RYR2: variants seen among roughly 807,000 people sequenced by gnomAD.
RYR2 encodes the protein ryanodine receptor 2, also known as cardiac muscle ryanodine receptor-calcium release channel.
Under a neutral mutation model 601.1 loss-of-function variants are expected in RYR2, and 227 were observed. The observed-to-expected ratio is 0.38, with a 90% confidence interval of 0.34 to 0.42. The LOEUF is 0.42. Ranked by LOEUF, RYR2 falls within the 10% of genes least tolerant of loss-of-function variation. The pLI, the probability that RYR2 is intolerant of heterozygous loss-of-function variation, is 1.00. For synonymous variants in RYR2, 2,223 were observed against 2,175.1 expected (o/e 1.02, Z -0.61); for missense variants, 4,646 against 6,156.5 (o/e 0.75, Z 8.21).
At chr1:237,248,980 G>A (rs1572355454) in intron 1 of RYR2, among the ~76,000 whole-genome samples, 2 of 152,030 alleles carry the variant, frequency 1.3e-5, no homozygotes, top group Non-Finnish European at 2.9e-5. Flanking sequence ...AGTGAGGCTG[G>A]TCTTGAACTC....
At chr1:237,242,002 A>G (rs1476144352) in intron 1 of RYR2, among the ~76,000 whole-genome samples, 2 of 152,192 alleles carry the variant, frequency 1.3e-5, no homozygotes, top group African/African-American at 4.8e-5. Context: ...TTGGGAAACT[A>G]GTCCTACCTC....
intron 87 of RYR2, 134 bp downstream of exon 87, chr1:237,773,782 G>T: frequency 1.5e-6 from 1 of 684,774 alleles, no homozygotes; most frequent in Non-Finnish European, 2.4e-6. Flanking sequence ...TAAAATATTA[G>T]GTTGAGATGT....
chr1:237,082,105 C>T (rs1665765233), intron 1 of RYR2, among the ~76,000 whole-genome samples: 1 of 152,140 alleles, frequency 6.6e-6, no homozygotes, highest in Non-Finnish European at 1.5e-5. Flanking sequence ...TGCTGATAAA[C>T]ATTAACTGAT....
chr1:237,385,518 A>T (rs1227713261), intron 8 of RYR2, among the ~76,000 whole-genome samples: 2 of 152,228 alleles, frequency 1.3e-5, no homozygotes, highest in Admixed American at 1.3e-4. Context: ...ATTAATATAC[A>T]TAGTACATTC....
At chr1:237,832,477 A>C in intron 104 of RYR2, 75 bp from the exon 105 acceptor site, 1 of 914,074 alleles carries the variant, frequency 1.1e-6, no homozygotes, top group Non-Finnish European at 1.7e-6. Flanking sequence ...TAGGTAACAG[A>C]ATTGAGTTTC....
chr1:237,319,088 T>TC (rs1695375869), intron 2 of RYR2, among the ~76,000 whole-genome samples: 1 of 152,176 alleles, frequency 6.6e-6, no homozygotes, highest in Non-Finnish European at 1.5e-5. Context: ...CAATTGAACC[T>TC]CTTTAGTATA....
At chr1:237,494,218 G>A (rs919115057) in intron 19 of RYR2, among the ~76,000 whole-genome samples, 10 of 152,232 alleles carry the variant, frequency 6.6e-5, no homozygotes, top group East Asian at 1.9e-4. Flanking sequence ...AAGGACGCCC[G>A]TCTGAGTCCC....
rs1481918213 is a variant in RYR2 at position 237,610,868 on chromosome 1, G to A, written c.4790G>A (p.Ser1597Asn). ...HVQFLSHVLWSRMPNQFLKVD... is the reference protein window; with the variant it reads ...HVQFLSHVLWNRMPNQFLKVD... ...CAGTTCCTGTCACACGTCCTGTGGAGCAGAATGCCCAACCAGTTTTTGAAG... is the reference window on the plus strand; with the variant it reads ...CAGTTCCTGTCACACGTCCTGTGGAACAGAATGCCCAACCAGTTTTTGAAG... The change falls in exon 36 of 105, where the codon AGC becomes AAC. Residue 1597 changes from serine (S) to asparagine (N), a missense_variant. This residue lies in a region of RYR2 where 1,807 missense variants were observed against 2,088.1 expected (regional missense o/e 0.87). Coordinates refer to ENST00000366574, the MANE Select transcript of RYR2 (RefSeq NM_001035.3). This position sits in a 1 kb window ranked among gnomAD's most constrained non-coding sequence, Gnocchi z 4.9. 21 of 1,613,376 alleles carry A rather than the reference G, an allele frequency of 1.3e-5. No homozygotes were observed. Among genetic ancestry groups the A allele is most frequent in the Non-Finnish European group, 1.8e-5 (21 of 1,179,680 alleles).
At chr1:237,634,413 G>C (rs1204926311) in intron 43 of RYR2, among the ~76,000 whole-genome samples, 1 of 152,138 alleles carries the variant, frequency 6.6e-6, no homozygotes, top group African/African-American at 2.4e-5. Context: ...TAAAATCAAA[G>C]TCGAACTCAT....
At chr1:237,577,504 G>C (rs1236112385) in intron 29 of RYR2, among the ~76,000 whole-genome samples, 63 of 67,104 alleles carry the variant, frequency 9.4e-4, no homozygotes, top group East Asian at 7.0e-3. Context: ...GTGTTTCTGT[G>C]TGTGTGTGTG....
In RYR2 at chr1:237,610,907, G is replaced by A. The variant is rs764687833; in HGVS notation, c.4829G>A (p.Arg1610Gln). Residue 1610 changes from arginine (R) to glutamine (Q), a missense_variant, in exon 36 of 105, where the codon CGA (arginine) becomes CAA (glutamine). Arg to Gln is a conservative substitution (Grantham distance 43). This residue lies in a region of RYR2 where 1,807 missense variants were observed against 2,088.1 expected (regional missense o/e 0.87). Coordinates refer to ENST00000366574, the MANE Select transcript of RYR2 (RefSeq NM_001035.3). This position sits in a 1 kb window ranked among gnomAD's most constrained non-coding sequence, Gnocchi z 4.9. ...PNQFLKVDVSRISERQGWLVQ... is the reference protein window; with the variant it reads ...PNQFLKVDVSQISERQGWLVQ... ...CAGTTTTTGAAGGTAGATGTGTCTCGAATAAGTGAACGCCAAGGCTGGTTG... is the reference window on the plus strand; with the variant it reads ...CAGTTTTTGAAGGTAGATGTGTCTCAAATAAGTGAACGCCAAGGCTGGTTG... 1.6e-5 allele frequency: 26 copies of A among 1,613,280 alleles called. No individual in the cohort carries two copies. The highest frequency in any genetic ancestry group is 1.5e-4 in the South Asian group (14 of 90,898).
At chr1:237,163,619 G>A (rs2148872386) in intron 1 of RYR2, among the ~76,000 whole-genome samples, 1 of 152,256 alleles carries the variant, frequency 6.6e-6, no homozygotes, top group East Asian at 1.9e-4. Flanking sequence ...AGCATACCCA[G>A]TTCTCTTAAG....
chr1:237,383,678 C>T (rs1037801936), intron 8 of RYR2, among the ~76,000 whole-genome samples: 4 of 152,052 alleles, frequency 2.6e-5, no homozygotes, highest in Admixed American at 6.6e-5. Context: ...ATCTGCCCGC[C>T]TTGGCCTCCC....
chr1:237,277,040 TAAAC>T (rs932374535), intron 2 of RYR2, among the ~76,000 whole-genome samples: 2 of 152,172 alleles, frequency 1.3e-5, no homozygotes, highest in Admixed American at 6.5e-5. Flanking sequence ...ATATTTTAAA[TAAAC>T]CAATGTTGCA....
At chr1:237,045,317 G>A (rs1314731997) in intron 1 of RYR2, among the ~76,000 whole-genome samples, 1 of 152,184 alleles carries the variant, frequency 6.6e-6, no homozygotes, top group African/African-American at 2.4e-5. Context: ...TTAATGGGCT[G>A]TATCTGTGAG....
chr1:237,173,121 A>G (rs1677603031), intron 1 of RYR2, among the ~76,000 whole-genome samples: 1 of 152,154 alleles, frequency 6.6e-6, no homozygotes, highest in South Asian at 2.1e-4. Flanking sequence ...CAGAAAGATG[A>G]ATCTGCAACC....
chr1:237,355,928 T>C (rs1307643006), intron 3 of RYR2, 37 bp from the exon 4 acceptor site: 3 of 1,568,712 alleles, frequency 1.9e-6, no homozygotes, highest in East Asian at 4.6e-5. Context: ...TAGGTATTTG[T>C]TTGTTTGTTA....
chr1:237,091,386 A>T (rs1336529044), intron 1 of RYR2, among the ~76,000 whole-genome samples: 1 of 137,686 alleles, frequency 7.3e-6, no homozygotes, highest in Non-Finnish European at 1.5e-5. Context: ...TTGGTCTGGA[A>T]TTCAAACTGT....
intron 1 of RYR2, among the ~76,000 whole-genome samples, chr1:237,169,368 G>A (rs889107966): frequency 2.7e-5 from 4 of 150,594 alleles, no homozygotes; most frequent in South Asian, 2.1e-4. Context: ...GCACAATCTC[G>A]GCTCACTGCA....
Sources: gnomAD v4.1 joint callset for allele counts (sites outside exome capture counted in the v4.1 genomes callset) on GRCh38, gnomAD v4.1.1 for gene constraint, gnomAD v4.1.1 regional missense constraint, Gnocchi (gnomAD v3.1) non-coding constraint, MANE v1.5 for transcripts, NCBI Gene and HGNC (gene_info 2026-07-23, HGNC 2026-07-21) for gene names.